Variants in CAMTA1 observed in about 807,000 individuals in gnomAD.
The protein encoded by CAMTA1 is calmodulin binding transcription activator 1, also known as calmodulin-binding transcription activator 1.
CAMTA1 carries 27 observed loss-of-function variants against 170.9 expected under a neutral mutation model. The observed-to-expected ratio is 0.16, with a 90% confidence interval of 0.12 to 0.22. CAMTA1 has a LOEUF of 0.22. CAMTA1 is among the 10% of genes least tolerant of loss of function. CAMTA1 has a pLI of 1.00. For missense variants in CAMTA1, 1,619 were observed against 2,217.2 expected (o/e 0.73, Z 5.42); for synonymous variants, 833 against 891.5 (o/e 0.93, Z 1.17).
At chr1:7,031,840 C>G (rs1557998885) in intron 3 of CAMTA1, among the ~76,000 whole-genome samples, 1 of 152,154 alleles carries the variant, frequency 6.6e-6, no homozygotes, top group African/African-American at 2.4e-5. Flanking sequence ...CACGCCCAGC[C>G]AATCTCTGTC....
chr1:7,148,245 CACACAT>C (rs1260048249), intron 4 of CAMTA1, among the ~76,000 whole-genome samples: 1 of 151,724 alleles, frequency 6.6e-6, no homozygotes, highest in African/African-American at 2.4e-5. Context: ...ACCACACACT[CACACAT>C]ACACCATGCA....
intron 3 of CAMTA1, among the ~76,000 whole-genome samples, chr1:6,877,219 G>GGAAGGTTACAAAC (rs1670165147): frequency 6.6e-6 from 1 of 152,222 alleles, no homozygotes; most frequent in Admixed American, 6.5e-5. Context: ...GGAAACAAAT[G>GGAAGGTTACAAAC]ATAGAAGGTT....
At chr1:7,245,502 A>G (rs1242607814) in intron 4 of CAMTA1, among the ~76,000 whole-genome samples, 3 of 152,058 alleles carry the variant, frequency 2.0e-5, no homozygotes, top group African/African-American at 7.2e-5. Flanking sequence ...TTAAAATATA[A>G]GCTAACTTTA....
intron 7 of CAMTA1, among the ~76,000 whole-genome samples, chr1:7,649,547 A>T (rs2095834446): frequency 6.6e-6 from 1 of 151,858 alleles, no homozygotes. Flanking sequence ...GAGGGTGGGC[A>T]CGGAGAGGCT....
chr1:7,522,338 G>C (rs758116595), intron 6 of CAMTA1, among the ~76,000 whole-genome samples: 8 of 152,044 alleles, frequency 5.3e-5, no homozygotes, highest in African/African-American at 2.4e-5. Context: ...TTTTCTAATG[G>C]AATTGCTTGT....
At chr1:7,501,653 C>T (rs1202403820) in intron 6 of CAMTA1, among the ~76,000 whole-genome samples, 2 of 151,868 alleles carry the variant, frequency 1.3e-5, no homozygotes, top group African/African-American at 2.4e-5. Flanking sequence ...ATGTCCCACA[C>T]AGTATTTGGG....
chr1:6,928,597 A>G (rs1683795906), intron 3 of CAMTA1, among the ~76,000 whole-genome samples: 1 of 151,812 alleles, frequency 6.6e-6, no homozygotes, highest in Non-Finnish European at 1.5e-5. Context: ...CCTTACTTGC[A>G]GTTTCAGAGC....
At chr1:7,733,302 C>T (rs911023285) in intron 12 of CAMTA1, among the ~76,000 whole-genome samples, 2 of 152,056 alleles carry the variant, frequency 1.3e-5, no homozygotes, top group Admixed American at 6.6e-5. Flanking sequence ...GTATTTTATC[C>T]CTATCTTAAG....
chr1:7,551,831 A>C (rs2094807074), intron 6 of CAMTA1, among the ~76,000 whole-genome samples: 2 of 152,170 alleles, frequency 1.3e-5, no homozygotes, highest in African/African-American at 4.8e-5. Flanking sequence ...GGGTAGAAGG[A>C]CACCTCTTAG....
chr1:7,161,468 C>T (rs1027098662), intron 4 of CAMTA1, among the ~76,000 whole-genome samples: 3 of 152,204 alleles, frequency 2.0e-5, no homozygotes, highest in Non-Finnish European at 4.4e-5. Context: ...ACAATTCCCA[C>T]ATGTCTTGGG....
rs78689678 is a variant in CAMTA1, at chr1:7,584,707, C to T, written c.511-55693C>T. On this transcript the variant is annotated intron_variant, in intron 6 of 22. Coordinates refer to ENST00000303635, the MANE Select transcript of CAMTA1 (RefSeq NM_015215.4). Reference sequence around the variant, plus strand: ...AATAACTGGAGAGAGGTGCACAGCCCCTCATCTGAAACCCCTAAGGCCAGG... The same window carrying T: ...AATAACTGGAGAGAGGTGCACAGCCTCTCATCTGAAACCCCTAAGGCCAGG... Among the ~76,000 whole-genome samples the T allele has an allele frequency of 1.4e-4, 22 of 152,242 alleles. No individual in the cohort carries two copies. In the East Asian group the frequency reaches 3.7e-3, roughly 25 times the overall value.
intron 4 of CAMTA1, among the ~76,000 whole-genome samples, chr1:7,161,693 A>G (rs562001590): frequency 1.3e-5 from 2 of 152,348 alleles, no homozygotes; most frequent in East Asian, 1.9e-4. Context: ...TGTAAGTCCA[A>G]TAAACCTCTT....
chr1:7,391,681 A>G (rs2088736282), intron 5 of CAMTA1, among the ~76,000 whole-genome samples: 1 of 152,182 alleles, frequency 6.6e-6, no homozygotes, highest in Admixed American at 6.5e-5. Context: ...GGCGTACTCC[A>G]GCCTCTGGGA....
At chr1:7,698,074 A>ACCCCCCCC (rs55893283) in intron 11 of CAMTA1, among the ~76,000 whole-genome samples, 20 of 98,572 alleles carry the variant, frequency 2.0e-4, no homozygotes, top group Non-Finnish European at 4.1e-4. Context: ...ACGCACTGTG[A>ACCCCCCCC]CCCCCCCCCC....
At chr1:7,653,681 A>G (rs549250738) in intron 7 of CAMTA1, among the ~76,000 whole-genome samples, 1 of 152,224 alleles carries the variant, frequency 6.6e-6, no homozygotes, top group South Asian at 2.1e-4. Context: ...CTTATAGCTC[A>G]CTGAGGGAAA....
Position 7,297,787 on chromosome 1 carries a change from T to A in CAMTA1, c.438+48161T>A, listed in dbSNP as rs113231496. Among the ~76,000 whole-genome samples the A allele has an allele frequency of 5.0e-3, 759 of 152,316 alleles. 5 individuals carry two copies. Among genetic ancestry groups the A allele is most frequent in the African/African-American group, 0.017 (707 of 41,568 alleles). On this transcript the variant is annotated intron_variant, in intron 5 of 22. Transcript: ENST00000303635. ...GGGCAAACATGGGGCTTATCTTGTG[T>A]GTTTTTTTTCTGGCAGAACCACAGT... is the stretch of plus-strand genomic sequence containing the variant.
intron 4 of CAMTA1, among the ~76,000 whole-genome samples, chr1:7,197,331 TG>T (rs1348313483): frequency 6.6e-6 from 1 of 151,736 alleles, no homozygotes; most frequent in African/African-American, 2.4e-5. Flanking sequence ...TTGGCCAGAG[TG>T]GGGAGACAGC....
Position 7,007,425 on chromosome 1 carries a change from T to A in CAMTA1, c.235-83879T>A, listed in dbSNP as rs981623146. Among the ~76,000 whole-genome samples, 4 of 152,136 alleles carry A rather than the reference T, an allele frequency of 2.6e-5. No homozygotes were observed. The highest frequency in any genetic ancestry group is 4.4e-5 in the Non-Finnish European group (3 of 68,008). ...GGAAGTGACCCCTATGAGCCAGCCT[T>A]GTGGGGCAACAGAATGTCACACCCA... On this transcript the variant is annotated intron_variant, in intron 3 of 22. Transcript: ENST00000303635. The surrounding 1 kb of genome is among the most constrained non-coding windows in gnomAD (Gnocchi z 4.5).
At chr1:7,688,681 A>G (rs891466449) in intron 11 of CAMTA1, among the ~76,000 whole-genome samples, 1 of 152,196 alleles carries the variant, frequency 6.6e-6, no homozygotes, top group Non-Finnish European at 1.5e-5. Flanking sequence ...ATCCAGTCCA[A>G]TGCTCAGCCT....
Sources: gnomAD v4.1 joint callset for allele counts (sites outside exome capture counted in the v4.1 genomes callset) on GRCh38, gnomAD v4.1.1 for gene constraint, Gnocchi (gnomAD v3.1) non-coding constraint, MANE v1.5 for transcripts, NCBI Gene and HGNC (gene_info 2026-07-23, HGNC 2026-07-21) for gene names.